Variants in DCST1 observed in about 807,000 individuals in gnomAD.
The protein encoded by DCST1 is E3 ubiquitin-protein ligase DCST1.
A neutral mutation model predicts 89.1 loss-of-function variants in DCST1; 78 were observed. The ratio of observed to expected loss-of-function variants is 0.88; its 90% CI spans 0.73 to 1.06. DCST1 has a LOEUF of 1.06. DCST1 is among the 50% of genes least tolerant of loss of function. The pLI is 0.00. For missense variants in DCST1, 900 were observed against 928.6 expected (o/e 0.97, Z 0.40); for synonymous variants, 364 against 371.9 (o/e 0.98, Z 0.24).
Position 155,043,411 on chromosome 1 carries a change from G to A in DCST1, c.1074G>A (p.Glu358=). Residue 358 remains glutamate (E), a synonymous_variant, in exon 10 of 17, where the codon GAG becomes GAA. Coordinates refer to ENST00000295542, the MANE Select transcript of DCST1 (RefSeq NM_152494.4). ...LNTSWERVST[E]VRDYVYRQEA... Reference sequence around the variant, plus strand: ...CAAGCTGGGAGCGCGTGAGCACCGAGGTGCGGGACTACGTGTACCGCCAGG... The same window carrying A: ...CAAGCTGGGAGCGCGTGAGCACCGAAGTGCGGGACTACGTGTACCGCCAGG... 1.2e-6 allele frequency: 2 copies of A among 1,611,658 alleles called. No homozygotes were observed. Among genetic ancestry groups the A allele is most frequent in the South Asian group, 2.2e-5 (2 of 91,068 alleles).
chr1:155,049,555 C>T (rs367547038), intron 16 of DCST1, among the ~76,000 whole-genome samples: 2 of 152,210 alleles, frequency 1.3e-5, no homozygotes, highest in East Asian at 1.9e-4. Context: ...GCTGGGATTA[C>T]AGGCACACAC....
At chr1:155,046,561 C>G in intron 13 of DCST1, 75 bp downstream of exon 13, 1 of 1,500,022 alleles carries the variant, frequency 6.7e-7, no homozygotes, top group Non-Finnish European at 9.1e-7. Flanking sequence ...CACAGCCACC[C>G]CACCCTAGTT....
chr1:155,042,578 G>C (rs886302525), intron 8 of DCST1, among the ~76,000 whole-genome samples, 157 bp from the exon 9 acceptor site: 1 of 152,214 alleles, frequency 6.6e-6, no homozygotes, highest in African/African-American at 2.4e-5. Flanking sequence ...GATCCAAAGA[G>C]AGCAGAGAGG....
At chr1:155,045,451 T>G (rs1660587452) in intron 10 of DCST1, 1 of 227,002 alleles carries the variant, frequency 4.4e-6, no homozygotes, top group African/African-American at 2.3e-5. Context: ...GGAGATATGC[T>G]GCAGGCAAAG....
In DCST1 at chr1:155,043,177, G is replaced by T. The variant is rs534009875; in HGVS notation, c.1015-175G>T. ...ATGATGTCAGCTGATGTAGGTGCAG[G>T]GGAGCAAGACTGTGTCCAGGAGGGT... On this transcript the variant is annotated intron_variant, in intron 9 of 16. Transcript: ENST00000295542. Among the ~76,000 whole-genome samples the T allele has an allele frequency of 2.8e-4, 43 of 152,248 alleles. 1 individual carries two copies. The highest frequency in any genetic ancestry group is 3.4e-3 in the Middle Eastern group (1 of 294).
At chr1:155,044,640 G>A (rs1660555810) in intron 10 of DCST1, among the ~76,000 whole-genome samples, 1 of 152,246 alleles carries the variant, frequency 6.6e-6, no homozygotes, top group South Asian at 2.1e-4. Flanking sequence ...GCTCCAAATG[G>A]CCGCAGATGC....
chr1:155,035,607 A>G (rs1468800884), intron 4 of DCST1, among the ~76,000 whole-genome samples: 4 of 152,176 alleles, frequency 2.6e-5, no homozygotes, highest in Non-Finnish European at 2.9e-5. Context: ...TCATACAATA[A>G]TATCAAAGAT....
chr1:155,042,680 C>G, intron 8 of DCST1, 55 bp from the exon 9 acceptor site: 1 of 1,611,462 alleles, frequency 6.2e-7, no homozygotes, highest in South Asian at 1.1e-5. Context: ...CAGGCCAGGC[C>G]TGCACCTGGA....
chr1:155,047,130 AC>A, intron 13 of DCST1, 65 bp from the exon 14 acceptor site: 1 of 1,279,230 alleles, frequency 7.8e-7, no homozygotes, highest in Non-Finnish European at 1.1e-6. Context: ...CCTGACATCC[AC>A]CCCCTTAACA....
chr1:155,042,584 A>G, intron 8 of DCST1, 151 bp from the exon 9 acceptor site: 1 of 1,006,910 alleles, frequency 9.9e-7, no homozygotes, highest in South Asian at 1.6e-5. Context: ...AAGAGAGCAG[A>G]GAGGGGAAGA....
chr1:155,047,160 C>T (rs1241183172), intron 13 of DCST1, 36 bp from the exon 14 acceptor site: 1 of 1,553,194 alleles, frequency 6.4e-7, no homozygotes, highest in Non-Finnish European at 8.9e-7. Context: ...ATTTCTCCAC[C>T]TGCCCTGACT....
rs1030730269 is a variant in DCST1 at position 155,046,305 on chromosome 1, T to C, written c.1369-55T>C. Reference sequence around the variant, plus strand: ...GAGGGTAAAAGGCACCAGAGAGTGCTCCGTGCCCAGGCAGATGGCACTGCC... The same window carrying C: ...GAGGGTAAAAGGCACCAGAGAGTGCCCCGTGCCCAGGCAGATGGCACTGCC... On this transcript the variant is annotated intron_variant, in intron 12 of 16. Coordinates refer to ENST00000295542, the MANE Select transcript of DCST1 (RefSeq NM_152494.4). 3.6e-5 allele frequency: 58 copies of C among 1,613,824 alleles called. No individual in the cohort carries two copies. In the African/African-American group the frequency reaches 7.5e-4, roughly 21 times the overall value.
intron 16 of DCST1, chr1:155,048,870 G>A: frequency 1.6e-6 from 1 of 619,466 alleles, no homozygotes. Flanking sequence ...TCAAGGGACA[G>A]GAGGAGGCAG....
intron 10 of DCST1, among the ~76,000 whole-genome samples, chr1:155,044,318 C>CA (rs969414793): frequency 6.6e-6 from 1 of 151,892 alleles, no homozygotes; most frequent in African/African-American, 2.4e-5. Context: ...CTCGTCTCTA[C>CA]AAAAAATGAA....
chr1:155,037,673 G>C (rs978465250), intron 4 of DCST1, among the ~76,000 whole-genome samples: 1 of 152,126 alleles, frequency 6.6e-6, no homozygotes, highest in Non-Finnish European at 1.5e-5. Context: ...CTGACCTCAA[G>C]TGATCCACCC....
At chr1:155,040,870 C>T (rs1017789118) in intron 6 of DCST1, among the ~76,000 whole-genome samples, 5 of 152,206 alleles carry the variant, frequency 3.3e-5, no homozygotes, top group African/African-American at 7.2e-5. Flanking sequence ...GTACTCTGGA[C>T]AGCTGAACTA....
rs749609506 is a variant in DCST1, at chr1:155,039,452, C to G, written c.312C>G (p.Ser104Arg). 1 of 1,600,704 alleles carries G rather than the reference C, an allele frequency of 6.2e-7. No homozygotes were observed. The highest frequency in any genetic ancestry group is 1.7e-5 in the Admixed American group (1 of 58,630). ...CCTCCCCTCACATCCGCTGTGCCAG[C>G]CTCCTACTAGTACCCAAGATGCTGG... ...WGTSPHIRCASLLLVPKMLGK... is the reference protein window; with the variant it reads ...WGTSPHIRCARLLLVPKMLGK... The change falls in exon 5 of 17, where the codon AGC becomes AGG. Residue 104 changes from serine (S) to arginine (R), a missense_variant. Ser to Arg is a moderately radical substitution (Grantham distance 110, BLOSUM62 -1). Coordinates refer to ENST00000295542, the MANE Select transcript of DCST1 (RefSeq NM_152494.4).
intron 5 of DCST1, among the ~76,000 whole-genome samples, chr1:155,040,206 G>C (rs951052206): frequency 2.2e-4 from 33 of 151,130 alleles, no homozygotes; most frequent in African/African-American, 7.5e-4. Flanking sequence ...AGGAGGCTGA[G>C]GCAGGAGAAT....
In DCST1 at chr1:155,046,123, A is replaced by C. The variant is rs1660615060; in HGVS notation, c.1273-2A>C. ...CTAACTGTGTGGACATTTGTTTTCC[A>C]GGGCAAACGGACTCTGCTGCCACTC... On this transcript the variant is annotated splice_acceptor_variant, in intron 11 of 16. Transcript: ENST00000295542. LOFTEE classifies it high-confidence loss of function. The C allele has an allele frequency of 1.2e-6, 2 of 1,614,180 alleles. No individual in the cohort carries two copies. The highest frequency in any genetic ancestry group is 1.7e-6 in the Non-Finnish European group (2 of 1,180,034).
Sources: gnomAD v4.1 joint callset for allele counts (sites outside exome capture counted in the v4.1 genomes callset) on GRCh38, gnomAD v4.1.1 for gene constraint, MANE v1.5 for transcripts, NCBI Gene and HGNC (gene_info 2026-07-23, HGNC 2026-07-21) for gene names.